The following TIAM1 variants were observed in gnomAD, a reference collection of about 807,000 sequenced individuals.
TIAM1 encodes rho guanine nucleotide exchange factor TIAM1.
In TIAM1, 65 loss-of-function variants were observed where a neutral mutation model predicts 163.5. The observed-to-expected ratio is 0.40, with a 90% CI of 0.33 to 0.49. The LOEUF is 0.49. Among genes scored for constraint, TIAM1 ranks in the 20% least tolerant of loss-of-function variants. The probability of loss-of-function intolerance (pLI) is 0.77; values close to 1 mark genes in which losing one functional copy is unlikely to be tolerated. For synonymous variants in TIAM1, 833 were observed against 810.1 expected, an observed-to-expected ratio of 1.03 and a Z score of -0.48; for missense variants, 1,789 against 2,044.7, an observed-to-expected ratio of 0.87 and a Z score of 2.41.
chr21:31,179,618 T>C (rs1463982506), intron 15 of TIAM1, among the ~76,000 whole-genome samples: 1 of 150,082 alleles, frequency 6.7e-6, no homozygotes, highest in Non-Finnish European at 1.5e-5. Context: ...AATGGCAGGG[T>C]CCATGGATTT....
chr21:31,191,730 T>C (rs1378433095), intron 13 of TIAM1, among the ~76,000 whole-genome samples: 1 of 152,222 alleles, frequency 6.6e-6, no homozygotes, highest in Non-Finnish European at 1.5e-5. Context: ...TGCCCTGTCA[T>C]ACCCTCCTCA....
intron 1 of TIAM1, among the ~76,000 whole-genome samples, chr21:31,529,203 G>T (rs2047895612): frequency 6.6e-6 from 1 of 151,876 alleles, no homozygotes; most frequent in African/African-American, 2.4e-5. Context: ...ACAGGTGTGA[G>T]CCACCGCGCC....
At chr21:31,313,612 T>A (rs1335145626) in intron 2 of TIAM1, among the ~76,000 whole-genome samples, 1 of 152,232 alleles carries the variant, frequency 6.6e-6, no homozygotes, top group Admixed American at 6.5e-5. Flanking sequence ...TCTTGCTCTG[T>A]TGCTCAGGCT....
intron 1 of TIAM1, among the ~76,000 whole-genome samples, chr21:31,341,227 C>A (rs2076007531): frequency 6.6e-6 from 1 of 152,164 alleles, no homozygotes; most frequent in African/African-American, 2.4e-5. Flanking sequence ...ACGCTGAATT[C>A]ACAGTGCAAT....
At chr21:31,439,176 G>T (rs999499737) in intron 2 of TIAM1, among the ~76,000 whole-genome samples, 1 of 152,188 alleles carries the variant, frequency 6.6e-6, no homozygotes, top group African/African-American at 2.4e-5. Context: ...GGAACAGGGG[G>T]TAGCCACAGT....
At chr21:31,211,683 C>T (rs2086892359) in intron 10 of TIAM1, among the ~76,000 whole-genome samples, 1 of 152,184 alleles carries the variant, frequency 6.6e-6, no homozygotes, top group East Asian at 1.9e-4. Flanking sequence ...AGCTGGACTC[C>T]AGGGAAGGAA....
At chr21:31,355,466 C>T (rs931021797) in intron 2 of TIAM1, among the ~76,000 whole-genome samples, 5 of 152,162 alleles carry the variant, frequency 3.3e-5, no homozygotes, top group African/African-American at 1.2e-4. Context: ...ACCCCACCAC[C>T]TCCACCCCTC....
intron 2 of TIAM1, among the ~76,000 whole-genome samples, chr21:31,434,063 G>T (rs569375431): frequency 1.3e-5 from 2 of 152,088 alleles, no homozygotes; most frequent in East Asian, 3.9e-4. Context: ...CTCCCAAAGT[G>T]CTAGGATTAT....
chr21:31,430,432 T>C (rs2043986336), intron 2 of TIAM1, among the ~76,000 whole-genome samples: 1 of 151,970 alleles, frequency 6.6e-6, no homozygotes, highest in South Asian at 2.1e-4. Context: ...AATGAATATT[T>C]ACAAATGATT....
At chr21:31,372,170 T>C (rs1423716642) in intron 2 of TIAM1, among the ~76,000 whole-genome samples, 1 of 152,186 alleles carries the variant, frequency 6.6e-6, no homozygotes, top group South Asian at 2.1e-4. Flanking sequence ...TCACTTCTGA[T>C]GGGCTTTAAG....
chr21:31,290,468 T>C (rs2073975668), intron 2 of TIAM1, among the ~76,000 whole-genome samples: 1 of 151,328 alleles, frequency 6.6e-6, no homozygotes, highest in Non-Finnish European at 1.5e-5. Context: ...ACCTCATCTC[T>C]ACTAAAAAAA....
intron 2 of TIAM1, among the ~76,000 whole-genome samples, chr21:31,390,931 G>T (rs1045285275): frequency 6.6e-6 from 1 of 152,102 alleles, no homozygotes; most frequent in Admixed American, 6.5e-5. Context: ...AGTAGGACCT[G>T]GGCACGCACA....
At chr21:31,508,581 G>A (rs920610753) in intron 1 of TIAM1, among the ~76,000 whole-genome samples, 8 of 152,120 alleles carry the variant, frequency 5.3e-5, no homozygotes, top group African/African-American at 1.9e-4. Context: ...AGTAGAGATG[G>A]GGTTTCTCCA....
intron 2 of TIAM1, among the ~76,000 whole-genome samples, chr21:31,279,582 G>C (rs1350569244): frequency 6.6e-6 from 1 of 152,176 alleles, no homozygotes; most frequent in Non-Finnish European, 1.5e-5. Flanking sequence ...CTTTCAGCGT[G>C]ACTTGGGGCA....
chr21:31,126,718 A>G (rs1471963575), intron 26 of TIAM1, among the ~76,000 whole-genome samples: 6 of 152,196 alleles, frequency 3.9e-5, no homozygotes, highest in Non-Finnish European at 8.8e-5. Context: ...AGAAGACCTC[A>G]AATTCTCATG....
intron 10 of TIAM1, among the ~76,000 whole-genome samples, chr21:31,211,812 C>A (rs1043534071): frequency 3.3e-5 from 5 of 152,172 alleles, no homozygotes; most frequent in South Asian, 4.2e-4. Context: ...CCAAGTTTTG[C>A]ATCTAAACAC....
chr21:31,458,836 C>A (rs1260981306), intron 2 of TIAM1, among the ~76,000 whole-genome samples: 4 of 152,066 alleles, frequency 2.6e-5, no homozygotes, highest in Admixed American at 2.6e-4. Context: ...GATATTTGAG[C>A]CAAGACCTGA....
chr21:31,148,085 T>C (rs970069699), intron 19 of TIAM1, among the ~76,000 whole-genome samples: 1 of 150,838 alleles, frequency 6.6e-6, no homozygotes, highest in Admixed American at 6.6e-5. Context: ...TCTTCTTACG[T>C]GTTCTCCTTT....
chr21:31,525,094 C>T (rs1054432064), intron 1 of TIAM1, among the ~76,000 whole-genome samples: 10 of 151,976 alleles, frequency 6.6e-5, no homozygotes, highest in African/African-American at 2.4e-4. Context: ...ATAATCAGAT[C>T]TGAGGCTGGG....
Sources: gnomAD v4.1 joint callset for allele counts (sites outside exome capture counted in the v4.1 genomes callset) on GRCh38, gnomAD v4.1.1 for gene constraint, MANE v1.5 for transcripts, NCBI Gene and HGNC (gene_info 2026-07-23, HGNC 2026-07-21) for gene names.